The following APBA1 variants were observed in gnomAD, a reference collection of about 807,000 sequenced individuals.
APBA1 encodes amyloid-beta A4 precursor protein-binding family A member 1.
Under a neutral mutation model 86.6 loss-of-function variants are expected in APBA1, and 55 were observed. That is an observed-to-expected ratio of 0.64 (90% CI 0.51 to 0.80). The LOEUF (loss-of-function observed/expected upper bound fraction) is 0.80, where lower values mean the gene tolerates loss of function less well. Ranked by LOEUF, APBA1 falls within the 30% of genes least tolerant of loss-of-function variation. The pLI is 0.00. For missense variants in APBA1, 1,090 were observed against 1,183.0 expected, an observed-to-expected ratio of 0.92 and a Z score of 1.15; for synonymous variants, 511 against 493.9, an observed-to-expected ratio of 1.03 and a Z score of -0.46.
intron 1 of APBA1, among the ~76,000 whole-genome samples, chr9:69,624,725 G>A (rs1274254825): frequency 6.6e-6 from 1 of 152,126 alleles, no homozygotes; most frequent in Admixed American, 6.6e-5. Flanking sequence ...ACCAAAACTT[G>A]GTTCTTGAGC....
intron 1 of APBA1, among the ~76,000 whole-genome samples, chr9:69,548,397 TTAAGA>T (rs1369468933): frequency 1.3e-5 from 2 of 152,188 alleles, no homozygotes; most frequent in African/African-American, 4.8e-5. Flanking sequence ...CTACAGAACC[TTAAGA>T]TAATAGGTTT....
intron 1 of APBA1, among the ~76,000 whole-genome samples, chr9:69,603,466 G>T (rs1409218801): frequency 6.6e-6 from 1 of 152,194 alleles, no homozygotes; most frequent in African/African-American, 2.4e-5. Context: ...CTGAAGCTCA[G>T]ACAATCACTG....
At chr9:69,562,207 A>G (rs745878938) in intron 1 of APBA1, among the ~76,000 whole-genome samples, 1 of 152,196 alleles carries the variant, frequency 6.6e-6, no homozygotes. Context: ...ACAAACATGT[A>G]TGACTATTAT....
chr9:69,649,099 C>T lies in APBA1; in HGVS notation c.-70+23054G>A, dbSNP rs139139692. On this transcript the variant is annotated intron_variant, in intron 1 of 12. Coordinates refer to ENST00000265381, the MANE Select transcript of APBA1 (RefSeq NM_001163.4). ...CTGCTGAATATCTTTCCAGTCTGTC[C>T]ATTTCTCTCCAGCCTTCTGCCAGCA... is the stretch of plus-strand genomic sequence containing the variant. Among the ~76,000 whole-genome samples, 262 of 152,268 alleles carry T rather than the reference C, an allele frequency of 1.7e-3. 1 individual carries two copies. The highest frequency in any genetic ancestry group is 5.9e-3 in the African/African-American group (245 of 41,546).
chr9:69,516,904 C>T lies in APBA1; in HGVS notation c.307G>A (p.Gly103Ser), dbSNP rs748200600. The T allele has an allele frequency of 1.9e-6, 3 of 1,593,988 alleles. No individual in the cohort carries two copies. Among genetic ancestry groups the T allele is most frequent in the Non-Finnish European group, 2.5e-6 (3 of 1,176,800 alleles). ...TCCTGCGCGCGCTCCGCATCGTAGC[C>T]GTCGCGGGCCGCGGCGATCACGTCG... is the stretch of plus-strand genomic sequence containing the variant. ...EGDVIAAARD[G>S]YDAERAQDPE... is the part of the protein sequence containing the mutation. The change falls in exon 2 of 13, where the codon GGC becomes AGC. Residue 103 changes from glycine (G) to serine (S), a missense_variant. Around this residue, in one of 6 missense-constraint regions of APBA1, gnomAD observed 678 missense variants for 647.1 expected, o/e 1.05. Transcript: ENST00000265381. The surrounding 1 kb of genome is among the most constrained non-coding windows in gnomAD (Gnocchi z 7.3).
At chr9:69,459,563 T>C (rs988738802) in intron 5 of APBA1, among the ~76,000 whole-genome samples, 8 of 152,230 alleles carry the variant, frequency 5.3e-5, no homozygotes, top group Non-Finnish European at 8.8e-5. Context: ...CTTAAATTTA[T>C]GTAATATTAA....
intron 1 of APBA1, among the ~76,000 whole-genome samples, chr9:69,565,507 A>G (rs928743259): frequency 6.6e-6 from 1 of 152,138 alleles, no homozygotes. Context: ...TCATACCCCA[A>G]TAGGCAGCTG....
chr9:69,658,304 C>CTTTCTTTCTTTCTTTCTTTCTT (rs1554709959), intron 1 of APBA1, among the ~76,000 whole-genome samples: 11 of 79,944 alleles, frequency 1.4e-4, no homozygotes, highest in Admixed American at 6.6e-4. Context: ...TTCTCTCTCT[C>CTTTCTTTCTTTCTTTCTTTCTT]TCTTTCTTTC....
intron 5 of APBA1, chr9:69,462,453 A>G (rs1339130209): frequency 6.6e-6 from 1 of 152,272 alleles, no homozygotes. Context: ...GACAGCACAT[A>G]GGACAAAGCT....
intron 1 of APBA1, among the ~76,000 whole-genome samples, chr9:69,535,326 C>G (rs983975915): frequency 6.6e-6 from 1 of 152,198 alleles, no homozygotes; most frequent in African/African-American, 2.4e-5. Flanking sequence ...GGTCTGAGAT[C>G]ACATGGAAGT....
At chr9:69,615,187 G>A (rs1016069893) in intron 1 of APBA1, among the ~76,000 whole-genome samples, 7 of 152,116 alleles carry the variant, frequency 4.6e-5, no homozygotes, top group Admixed American at 2.6e-4. Flanking sequence ...GCGACAGAGT[G>A]AGACCCTGGC....
intron 1 of APBA1, among the ~76,000 whole-genome samples, chr9:69,517,904 G>A (rs1836194011): frequency 1.3e-5 from 2 of 152,120 alleles, no homozygotes; most frequent in Admixed American, 6.5e-5. Context: ...AAAAAGACTC[G>A]GTGGTCAAGT....
chr9:69,657,823 A>G (rs191594750), intron 1 of APBA1, among the ~76,000 whole-genome samples: 1 of 152,334 alleles, frequency 6.6e-6, no homozygotes, highest in Admixed American at 6.5e-5. Context: ...AATACCATCA[A>G]TTATATATTT....
rs1296607245 is a variant in APBA1, at chr9:69,516,284, A to G, written c.927T>C (p.Gly309=). The G allele has an allele frequency of 6.7e-7, 1 of 1,491,270 alleles. No individual in the cohort carries two copies. Among genetic ancestry groups the G allele is most frequent in the African/African-American group, 1.5e-5 (1 of 68,576 alleles). The allele number at this position is 1,491,270 out of a possible 1,614,324, so 92.4% of individuals were successfully genotyped here. A position where few individuals can be genotyped will look rare whatever the true frequency, so the allele number is the denominator to read the frequency against. ...DLERPPTPAG[G]RPDSPGLQAP... is the part of the protein sequence containing the mutation. The stretch of plus-strand genomic sequence containing the variant: ...CCTGCAGCCCGGGGCTGTCGGGGCG[A>G]CCCCCGGCCGGGGTAGGGGGACGCT... The change falls in exon 2 of 13, where the codon GGT becomes GGC. Residue 309 remains glycine (G), a synonymous_variant. Transcript: ENST00000265381. The surrounding 1 kb of genome is among the most constrained non-coding windows in gnomAD (Gnocchi z 7.3).
chr9:69,647,503 G>A (rs1378901787), intron 1 of APBA1, among the ~76,000 whole-genome samples: 1 of 152,174 alleles, frequency 6.6e-6, no homozygotes, highest in Admixed American at 6.5e-5. Flanking sequence ...AGTGCAAGCC[G>A]ACTTCCAAAT....
intron 1 of APBA1, among the ~76,000 whole-genome samples, chr9:69,647,593 C>G (rs570973965): frequency 3.3e-4 from 50 of 152,256 alleles, no homozygotes; most frequent in African/African-American, 1.1e-3. Flanking sequence ...TTTCCTCTAA[C>G]TTATTAAGTT....
chr9:69,522,446 G>T (rs1478120030), intron 1 of APBA1, among the ~76,000 whole-genome samples: 1 of 152,014 alleles, frequency 6.6e-6, no homozygotes, highest in Non-Finnish European at 1.5e-5. Flanking sequence ...TTCTTCTAAT[G>T]CTTTAAGTGC....
At chr9:69,458,224 G>C in intron 5 of APBA1, 36 bp from the exon 6 acceptor site, 1 of 1,588,882 alleles carries the variant, frequency 6.3e-7, no homozygotes, top group Non-Finnish European at 8.6e-7. Context: ...CAGGAGAATA[G>C]TTAGAAAGAA....
chr9:69,562,186 C>A (rs1170164321), intron 1 of APBA1, among the ~76,000 whole-genome samples: 2 of 152,122 alleles, frequency 1.3e-5, no homozygotes, highest in African/African-American at 4.8e-5. Context: ...TAAAGCATTA[C>A]ACAGTATCCC....
Sources: allele counts gnomAD v4.1 joint callset (sites outside exome capture counted in the v4.1 genomes callset), GRCh38; gene constraint gnomAD v4.1.1; regional missense constraint gnomAD v4.1.1; non-coding constraint Gnocchi (gnomAD v3.1); transcripts MANE v1.5; gene names NCBI Gene and HGNC (gene_info 2026-07-23, HGNC 2026-07-21).